Variants in SATB1 observed in about 807,000 individuals in gnomAD.
SATB1 encodes the protein SATB homeobox 1, also known as DNA-binding protein SATB1.
SATB1 carries 11 observed loss-of-function variants against 86.9 expected under a neutral mutation model. That is an observed-to-expected ratio of 0.13 (90% CI 0.08 to 0.21). The LOEUF (loss-of-function observed/expected upper bound fraction) is 0.21. Ranked by LOEUF, SATB1 falls within the 10% of genes least tolerant of loss-of-function variation. The probability of loss-of-function intolerance (pLI) is 1.00; values close to 1 mark genes in which losing one functional copy is unlikely to be tolerated. For synonymous variants in SATB1, 357 were observed against 357.2 expected (o/e 1.00, Z 0.01); for missense variants, 551 against 937.6 (o/e 0.59, Z 5.39).
chr3:18,438,104 C>T (rs1410988736), intron 1 of SATB1, among the ~76,000 whole-genome samples: 2 of 152,084 alleles, frequency 1.3e-5, no homozygotes, highest in East Asian at 3.8e-4. Context: ...ATAATTATTA[C>T]AATAAAATAT....
rs1032327592 is a variant in SATB1, at chr3:18,349,076, GAAC to G, written c.*91_*93del. ...TTTGAAGATTCATTGGCCAAACAAT[GAAC>G]AACAAAGGTTTTCTGAGAGAAGACA... On this transcript the variant is annotated 3_prime_UTR_variant, in exon 11 of 11. Coordinates refer to ENST00000338745, the MANE Select transcript of SATB1 (RefSeq NM_002971.6). This position sits in a 1 kb window ranked among gnomAD's most constrained non-coding sequence, Gnocchi z 5.5. The G allele has an allele frequency of 9.2e-6, 14 of 1,514,022 alleles. No individual in the cohort carries two copies. Among genetic ancestry groups the G allele is most frequent in the African/African-American group, 2.8e-5 (2 of 71,764 alleles). 93.8% of individuals were successfully genotyped at this position (1,514,022 alleles called of 1,614,324 possible). A position where few individuals can be genotyped will look rare whatever the true frequency, so the allele number is the denominator to read the frequency against.
chr3:18,388,672 G>A (rs1696471145), intron 7 of SATB1, among the ~76,000 whole-genome samples: 1 of 152,106 alleles, frequency 6.6e-6, no homozygotes, highest in African/African-American at 2.4e-5. Flanking sequence ...GTCAATTCTA[G>A]TAGTAGTTAT....
At chr3:18,398,345 A>G (rs530624622) in intron 5 of SATB1, among the ~76,000 whole-genome samples, 1 of 152,178 alleles carries the variant, frequency 6.6e-6, no homozygotes, top group Admixed American at 6.5e-5. Flanking sequence ...GAGTCTTAGG[A>G]GTAAGATTTT....
At chr3:18,414,274 A>C (rs1360751134) in intron 5 of SATB1, among the ~76,000 whole-genome samples, 1 of 152,076 alleles carries the variant, frequency 6.6e-6, no homozygotes, top group Non-Finnish European at 1.5e-5. Context: ...TGACCACAAA[A>C]GCAGCCCTTT....
At chr3:18,357,795 A>G (rs764368916) in intron 9 of SATB1, among the ~76,000 whole-genome samples, 15 of 151,974 alleles carry the variant, frequency 9.9e-5, no homozygotes, top group Admixed American at 5.2e-4. Context: ...TTCTATTTTC[A>G]TATGTTTTAT....
chr3:18,399,474 C>G (rs1260687456), intron 5 of SATB1, among the ~76,000 whole-genome samples: 1 of 152,170 alleles, frequency 6.6e-6, no homozygotes, highest in Non-Finnish European at 1.5e-5. Context: ...AAGGAAGAAT[C>G]ATCCATGGTG....
At chr3:18,359,663 C>T (rs555709307) in intron 9 of SATB1, among the ~76,000 whole-genome samples, 4 of 151,862 alleles carry the variant, frequency 2.6e-5, no homozygotes, top group Non-Finnish European at 5.9e-5. Flanking sequence ...AAAATGTTCC[C>T]GTTTTTTTTC....
chr3:18,415,881 C>A, intron 4 of SATB1, 126 bp downstream of exon 4: 2 of 744,396 alleles, frequency 2.7e-6, no homozygotes, highest in Non-Finnish European at 4.0e-6. Flanking sequence ...GTAACAAAAT[C>A]GATCTGTATT....
intron 9 of SATB1, among the ~76,000 whole-genome samples, chr3:18,369,471 G>A (rs2125166381): frequency 6.6e-6 from 1 of 152,138 alleles, no homozygotes; most frequent in South Asian, 2.1e-4. Flanking sequence ...CATTTTTCTA[G>A]ACACAACTTC....
intron 4 of SATB1, 103 bp from the exon 5 acceptor site, chr3:18,415,337 G>T (rs533548364): frequency 1.5e-6 from 2 of 1,337,190 alleles, no homozygotes; most frequent in South Asian, 1.3e-5. Flanking sequence ...TCAAACAGAT[G>T]CATCTGGAGA....
At position 18,389,593 on chromosome 3, in the gene SATB1, TGGACAGTA is replaced by T. The variant is rs1216238068; in HGVS notation, c.1207-2990_1207-2983del. Among the ~76,000 whole-genome samples, 18 of 152,186 alleles carry T rather than the reference TGGACAGTA, an allele frequency of 1.2e-4. No individual in the cohort carries two copies. The South Asian group carries it at 2.9e-3, about 25-fold the overall frequency. On this transcript the variant is annotated intron_variant, in intron 7 of 10. Coordinates refer to ENST00000338745, the MANE Select transcript of SATB1 (RefSeq NM_002971.6). Reference sequence around the variant, plus strand: ...GTCATTTGTAGTACTGCCCACACAGTGGACAGTAAGCGTGACCTTTTACCAAAAATTCT... The same window carrying T: ...GTCATTTGTAGTACTGCCCACACAGTAGCGTGACCTTTTACCAAAAATTCT...
intron 2 of SATB1, among the ~76,000 whole-genome samples, chr3:18,436,192 G>GA: frequency 6.6e-6 from 1 of 152,188 alleles, no homozygotes; most frequent in Middle Eastern, 3.4e-3. Context: ...AAGCTGCAAT[G>GA]AAAAATATCT....
chr3:18,419,229 G>A (rs1418864815), intron 2 of SATB1, among the ~76,000 whole-genome samples: 1 of 152,116 alleles, frequency 6.6e-6, no homozygotes, highest in East Asian at 1.9e-4. Flanking sequence ...CCCGTTTCTG[G>A]GAGTAATGCT....
At chr3:18,384,942 T>G (rs979992241) in intron 8 of SATB1, among the ~76,000 whole-genome samples, 11 of 152,222 alleles carry the variant, frequency 7.2e-5, no homozygotes, top group Non-Finnish European at 1.5e-4. Context: ...CCTTATAGTC[T>G]GTTCCTATAG....
In SATB1 at chr3:18,345,463, A is replaced by AATTT. The variant is rs1694006117; in HGVS notation, c.*3703_*3706dup. The AATTT allele has an allele frequency of 1.3e-5, 2 of 152,126 alleles. No individual in the cohort carries two copies. The highest frequency in any genetic ancestry group is 2.4e-5 in the African/African-American group (1 of 41,466). 9.4% of individuals were successfully genotyped at this position (152,126 alleles called of 1,614,324 possible). ...ATTCAGGACATACACCTTCTACCAC[A>AATTT]ATTTCTTTAATTAGGGTACTTTATA... On this transcript the variant is annotated 3_prime_UTR_variant, in exon 11 of 11. Coordinates refer to ENST00000338745, the MANE Select transcript of SATB1 (RefSeq NM_002971.6).
At chr3:18,370,546 CA>C (rs1438440637) in intron 9 of SATB1, among the ~76,000 whole-genome samples, 3 of 69,594 alleles carry the variant, frequency 4.3e-5, no homozygotes, top group African/African-American at 1.6e-4. Flanking sequence ...AGAGGAAAAA[CA>C]AAAAAGAAAA....
rs941017672 is a variant in SATB1 at position 18,394,329 on chromosome 3, T to C, written c.1206+133A>G. 4 of 749,828 alleles carry C rather than the reference T, an allele frequency of 5.3e-6. No individual in the cohort carries two copies. Among genetic ancestry groups the C allele is most frequent in the Non-Finnish European group, 2.2e-6 (1 of 456,608 alleles). 46.4% of individuals were successfully genotyped at this position (749,828 alleles called of 1,614,324 possible). On this transcript the variant is annotated intron_variant, in intron 7 of 10. Coordinates refer to ENST00000338745, the MANE Select transcript of SATB1 (RefSeq NM_002971.6). The surrounding 1 kb of genome is among the most constrained non-coding windows in gnomAD (Gnocchi z 5.9). The stretch of plus-strand genomic sequence containing the variant: ...GGTAAAATTGAGGCTCCACCAGGAA[T>C]AGGTAATATGATCACATGAAGAGAG...
At chr3:18,385,224 T>C (rs1408624859) in intron 8 of SATB1, among the ~76,000 whole-genome samples, 1 of 152,230 alleles carries the variant, frequency 6.6e-6, no homozygotes, top group Non-Finnish European at 1.5e-5. Context: ...CACTATGAGA[T>C]TGTCATATGA....
At chr3:18,389,108 C>T (rs1016311373) in intron 7 of SATB1, among the ~76,000 whole-genome samples, 2 of 152,014 alleles carry the variant, frequency 1.3e-5, no homozygotes, top group African/African-American at 4.8e-5. Flanking sequence ...AGGGGCAAAG[C>T]ATTTTACTAC....
Sources: gnomAD v4.1 joint callset for allele counts (sites outside exome capture counted in the v4.1 genomes callset) on GRCh38, gnomAD v4.1.1 for gene constraint, Gnocchi (gnomAD v3.1) non-coding constraint, MANE v1.5 for transcripts, NCBI Gene and HGNC (gene_info 2026-07-23, HGNC 2026-07-21) for gene names.